TNRC6A: variants seen among roughly 807,000 people sequenced by gnomAD.
TNRC6A encodes the protein trinucleotide repeat containing adaptor 6A.
Under a neutral mutation model 221.2 loss-of-function variants are expected in TNRC6A, and 44 were observed. The observed-to-expected ratio is 0.20, with a 90% CI of 0.16 to 0.26. The LOEUF (loss-of-function observed/expected upper bound fraction) is 0.26, where lower values mean the gene tolerates loss of function less well. Ranked by LOEUF, TNRC6A falls within the 10% of genes least tolerant of loss-of-function variation. The pLI is 1.00. For synonymous variants in TNRC6A, 847 were observed against 838.5 expected, an observed-to-expected ratio of 1.01 and a Z score of -0.18; for missense variants, 2,199 against 2,404.4, an observed-to-expected ratio of 0.91 and a Z score of 1.79.
intron 4 of TNRC6A, 143 bp downstream of exon 4, chr16:24,758,503 G>A (rs1175350401): frequency 6.0e-6 from 5 of 833,180 alleles, no homozygotes. Context: ...CATACCCTGG[G>A]GTCGTCCTTT....
intron 2 of TNRC6A, among the ~76,000 whole-genome samples, chr16:24,645,944 G>C (rs1902266900): frequency 6.6e-6 from 1 of 150,808 alleles, no homozygotes; most frequent in African/African-American, 2.4e-5. Context: ...ACTTGAGTCT[G>C]GGAGGCAGAG....
At position 24,734,630 on chromosome 16, in the gene TNRC6A, G is replaced by A. The variant is rs924260327; in HGVS notation, c.53+4330G>A. ...TATTCTCTGTCAAGTGACCCAGCTGGGATTTAAACAGGCCTTTTGACTCTA... is the reference window on the plus strand; with the variant it reads ...TATTCTCTGTCAAGTGACCCAGCTGAGATTTAAACAGGCCTTTTGACTCTA... On this transcript the variant is annotated intron_variant, in intron 2 of 24. Transcript: ENST00000395799. Among the ~76,000 whole-genome samples the A allele has an allele frequency of 2.0e-5, 3 of 152,086 alleles. No homozygotes were observed. In the East Asian group the frequency reaches 5.8e-4, roughly 29 times the overall value.
chr16:24,744,238 A>G (rs140976089), intron 2 of TNRC6A, among the ~76,000 whole-genome samples: 31 of 152,220 alleles, frequency 2.0e-4, no homozygotes, highest in Admixed American at 9.2e-4. Flanking sequence ...CTTTTATCCC[A>G]TTATTGGTGA....
intron 2 of TNRC6A, among the ~76,000 whole-genome samples, chr16:24,712,249 C>G (rs977781715): frequency 6.6e-6 from 1 of 152,204 alleles, no homozygotes; most frequent in Admixed American, 6.5e-5. Flanking sequence ...AAGCGATCCT[C>G]CTGCCTTGGC....
chr16:24,776,444 G>C, intron 4 of TNRC6A: 4 of 985,404 alleles, frequency 4.1e-6, no homozygotes, highest in Non-Finnish European at 4.8e-6. Flanking sequence ...AAAACCAGCA[G>C]GTTGTTTTCT....
chr16:24,635,599 T>A (rs2141710256), intron 1 of TNRC6A, among the ~76,000 whole-genome samples: 1 of 152,304 alleles, frequency 6.6e-6, no homozygotes, highest in East Asian at 1.9e-4. Context: ...TGCACCTTTT[T>A]AAAAAATTTT....
intron 4 of TNRC6A, among the ~76,000 whole-genome samples, chr16:24,773,575 T>C (rs75190459): frequency 0.025 from 3,828 of 152,322 alleles, 169 homozygotes; most frequent in African/African-American, 0.087. Context: ...TGTTAACCTA[T>C]GATTGTTTCA....
At chr16:24,700,683 T>C (rs1214426673) in intron 2 of TNRC6A, among the ~76,000 whole-genome samples, 2 of 152,116 alleles carry the variant, frequency 1.3e-5, no homozygotes, top group Non-Finnish European at 2.9e-5. Context: ...GTAACTAGGC[T>C]CAAAGTGCTG....
chr16:24,822,600 C>T (rs16974103), intron 23 of TNRC6A, among the ~76,000 whole-genome samples: 4,590 of 152,212 alleles, frequency 0.03, 239 homozygotes, highest in African/African-American at 0.1. Context: ...TGGATGCTGT[C>T]CTCAGGGCAG....
intron 2 of TNRC6A, among the ~76,000 whole-genome samples, chr16:24,688,491 A>G (rs1213035502): frequency 6.6e-6 from 1 of 152,114 alleles, no homozygotes; most frequent in African/African-American, 2.4e-5. Context: ...ATAGATAAAA[A>G]CCAATTCTAT....
chr16:24,778,727 C>G (rs1414627789), intron 5 of TNRC6A, among the ~76,000 whole-genome samples: 1 of 151,968 alleles, frequency 6.6e-6, no homozygotes, highest in Non-Finnish European at 1.5e-5. Flanking sequence ...AAATTATCTT[C>G]CTAATAACTC....
chr16:24,737,480 A>G (rs2056795830), intron 2 of TNRC6A, among the ~76,000 whole-genome samples: 1 of 152,220 alleles, frequency 6.6e-6, no homozygotes. Context: ...AAATCCTAGC[A>G]TTTCCACTCT....
At chr16:24,801,308 G>A (rs545498654) in intron 11 of TNRC6A, among the ~76,000 whole-genome samples, 1 of 152,276 alleles carries the variant, frequency 6.6e-6, no homozygotes, top group East Asian at 1.9e-4. Flanking sequence ...ACAAGTTAGA[G>A]TAGAATAATT....
intron 2 of TNRC6A, among the ~76,000 whole-genome samples, chr16:24,716,634 C>T (rs960403560): frequency 2.0e-5 from 3 of 152,074 alleles, no homozygotes; most frequent in Admixed American, 6.6e-5. Flanking sequence ...CACTGCATTC[C>T]AGCTTGGGTG....
chr16:24,621,906 C>T (rs1372686355), intron 1 of TNRC6A, among the ~76,000 whole-genome samples: 2 of 152,194 alleles, frequency 1.3e-5, no homozygotes, highest in Non-Finnish European at 2.9e-5. Context: ...TTCACCCCAG[C>T]AGCTGAAAGA....
intron 18 of TNRC6A, among the ~76,000 whole-genome samples, chr16:24,813,934 G>A (rs993544958): frequency 2.6e-5 from 4 of 152,210 alleles, no homozygotes; most frequent in Non-Finnish European, 2.9e-5. Context: ...AAATGTGGCA[G>A]TTATGCTTTC....
At chr16:24,718,500 G>C (rs1195126334) in intron 2 of TNRC6A, among the ~76,000 whole-genome samples, 1 of 152,160 alleles carries the variant, frequency 6.6e-6, no homozygotes, top group East Asian at 1.9e-4. Context: ...TCAAGTCATA[G>C]AGGCTTTGAA....
At chr16:24,720,082 C>A (rs1049246039) in intron 2 of TNRC6A, among the ~76,000 whole-genome samples, 2 of 152,094 alleles carry the variant, frequency 1.3e-5, no homozygotes, top group African/African-American at 4.8e-5. Context: ...AAGATAACAT[C>A]AGGGAGATGT....
At chr16:24,767,660 AT>A (rs1219436975) in intron 4 of TNRC6A, among the ~76,000 whole-genome samples, 1 of 152,140 alleles carries the variant, frequency 6.6e-6, no homozygotes, top group Non-Finnish European at 1.5e-5. Flanking sequence ...TATAGTATTA[AT>A]TGTTTAATTT....
Sources: gnomAD v4.1 joint callset for allele counts (sites outside exome capture counted in the v4.1 genomes callset) on GRCh38, gnomAD v4.1.1 for gene constraint, MANE v1.5 for transcripts, NCBI Gene and HGNC (gene_info 2026-07-23, HGNC 2026-07-21) for gene names.